Variants in XRCC4 observed in about 807,000 individuals in gnomAD.
XRCC4 encodes the protein X-ray repair cross complementing 4.
XRCC4 carries 28 observed loss-of-function variants against 39.1 expected under a neutral mutation model. That is an observed-to-expected ratio of 0.72 (90% CI 0.53 to 0.98). XRCC4 has a LOEUF of 0.98. Among genes scored for constraint, XRCC4 ranks in the 50% least tolerant of loss-of-function variants. XRCC4 has a pLI of 0.00. For missense variants in XRCC4, 350 were observed against 376.4 expected (o/e 0.93, Z 0.58); for synonymous variants, 123 against 126.4 (o/e 0.97, Z 0.18).
At chr5:83,121,930 T>G (rs2112445874) in intron 3 of XRCC4, among the ~76,000 whole-genome samples, 1 of 152,278 alleles carries the variant, frequency 6.6e-6, no homozygotes, top group Non-Finnish European at 1.5e-5. Context: ...CTAGCACCAT[T>G]TATTGAATTC....
intron 1 of XRCC4, among the ~76,000 whole-genome samples, chr5:83,101,490 G>T (rs1745933903): frequency 6.6e-6 from 1 of 151,992 alleles, no homozygotes; most frequent in Non-Finnish European, 1.5e-5. Context: ...ACAAATAAGA[G>T]TAGGATCACT....
chr5:83,198,979 G>A (rs984819304), intron 4 of XRCC4, among the ~76,000 whole-genome samples: 6 of 151,986 alleles, frequency 3.9e-5, no homozygotes, highest in African/African-American at 1.4e-4. Context: ...TACTGAATAG[G>A]TGTTTTGTTT....
At chr5:83,234,589 A>G (rs1357884637) in intron 6 of XRCC4, among the ~76,000 whole-genome samples, 2 of 152,114 alleles carry the variant, frequency 1.3e-5, no homozygotes, top group Admixed American at 6.6e-5. Context: ...GAGGTCCTAT[A>G]GTATTCGATA....
chr5:83,236,162 A>T (rs1016145865), intron 6 of XRCC4, among the ~76,000 whole-genome samples: 1 of 152,190 alleles, frequency 6.6e-6, no homozygotes, highest in Non-Finnish European at 1.5e-5. Context: ...CTACAGATTC[A>T]ATGCAATCCC....
intron 6 of XRCC4, among the ~76,000 whole-genome samples, chr5:83,231,989 T>C (rs1752513170): frequency 6.6e-6 from 1 of 152,072 alleles, no homozygotes; most frequent in South Asian, 2.1e-4. Context: ...TGACCTTCCC[T>C]GCAAAATACA....
chr5:83,244,374 A>G (rs994571837), intron 6 of XRCC4, among the ~76,000 whole-genome samples: 7 of 152,114 alleles, frequency 4.6e-5, no homozygotes, highest in South Asian at 2.1e-4. Flanking sequence ...TGTAAGCTCA[A>G]TTAGGGTGGG....
chr5:83,145,720 C>A (rs563282088), intron 3 of XRCC4, among the ~76,000 whole-genome samples: 1 of 152,200 alleles, frequency 6.6e-6, no homozygotes, highest in Non-Finnish European at 1.5e-5. Flanking sequence ...TTTAATAGAA[C>A]TGGTTTCTGC....
At chr5:83,168,624 C>T (rs557894970) in intron 3 of XRCC4, among the ~76,000 whole-genome samples, 2 of 152,090 alleles carry the variant, frequency 1.3e-5, no homozygotes, top group South Asian at 2.1e-4. Context: ...TGTACTAGGC[C>T]ATAAAGGAAT....
At chr5:83,199,985 CT>C (rs1324419463) in intron 4 of XRCC4, among the ~76,000 whole-genome samples, 1 of 151,970 alleles carries the variant, frequency 6.6e-6, no homozygotes, top group East Asian at 1.9e-4. Flanking sequence ...TGTACATGGG[CT>C]TTTTGTTAGT....
At chr5:83,259,102 A>G (rs1306869062) in intron 7 of XRCC4, 3 of 173,658 alleles carry the variant, frequency 1.7e-5, no homozygotes, top group African/African-American at 7.2e-5. Flanking sequence ...GTTTATTTCT[A>G]TCAAGTTTTG....
chr5:83,178,194 G>T (rs764085011), intron 3 of XRCC4, among the ~76,000 whole-genome samples: 3 of 152,070 alleles, frequency 2.0e-5, no homozygotes, highest in African/African-American at 4.8e-5. Context: ...TTTGGGAAAT[G>T]GATGCGTTTA....
chr5:83,192,305 T>TAA (rs370907092), intron 3 of XRCC4, among the ~76,000 whole-genome samples: 6 of 108,826 alleles, frequency 5.5e-5, no homozygotes, highest in Non-Finnish European at 1.2e-4. Context: ...TACGTATATA[T>TAA]AATATATATA....
intron 1 of XRCC4, among the ~76,000 whole-genome samples, chr5:83,099,908 C>T (rs371675355): frequency 1.3e-5 from 2 of 152,250 alleles, no homozygotes; most frequent in South Asian, 2.1e-4. Context: ...GCAAAGAGAT[C>T]GTTCATTTGC....
chr5:83,141,591 T>C (rs543201371), intron 3 of XRCC4, among the ~76,000 whole-genome samples: 2 of 152,250 alleles, frequency 1.3e-5, no homozygotes, highest in South Asian at 4.1e-4. Flanking sequence ...TCTCTAAAGG[T>C]CATTTCTGTG....
At chr5:83,261,089 C>T (rs572345928) in intron 7 of XRCC4, among the ~76,000 whole-genome samples, 3 of 151,482 alleles carry the variant, frequency 2.0e-5, no homozygotes, top group East Asian at 1.9e-4. Context: ...ATTTTGAATA[C>T]AGGAGACTGA....
intron 3 of XRCC4, among the ~76,000 whole-genome samples, chr5:83,120,084 A>G (rs890562673): frequency 3.9e-5 from 6 of 152,040 alleles, no homozygotes; most frequent in East Asian, 3.9e-4. Flanking sequence ...TGTAAAAACT[A>G]TGTTGTAAAA....
intron 6 of XRCC4, among the ~76,000 whole-genome samples, chr5:83,236,950 G>A (rs1752714400): frequency 6.6e-6 from 1 of 151,796 alleles, no homozygotes; most frequent in Non-Finnish European, 1.5e-5. Flanking sequence ...ATGGCCAAAG[G>A]TATATGGAAT....
At chr5:83,229,519 T>G (rs1386687668) in intron 6 of XRCC4, among the ~76,000 whole-genome samples, 2 of 151,760 alleles carry the variant, frequency 1.3e-5, no homozygotes, top group Non-Finnish European at 2.9e-5. Flanking sequence ...CTGAATGCAT[T>G]TCCAGTGGTT....
At chr5:83,135,839 G>T (rs1747872341) in intron 3 of XRCC4, among the ~76,000 whole-genome samples, 1 of 152,028 alleles carries the variant, frequency 6.6e-6, no homozygotes, top group South Asian at 2.1e-4. Flanking sequence ...ATGACCTTGT[G>T]TATGAATATT....
Sources: allele counts gnomAD v4.1 joint callset (sites outside exome capture counted in the v4.1 genomes callset), GRCh38; gene constraint gnomAD v4.1.1; transcripts MANE v1.5; gene names NCBI Gene and HGNC (gene_info 2026-07-23, HGNC 2026-07-21).